The following ANTXR1 variants were observed in gnomAD, a reference collection of about 807,000 sequenced individuals.
ANTXR1 encodes the protein anthrax toxin receptor 1.
ANTXR1 carries 19 observed loss-of-function variants against 78.1 expected under a neutral mutation model. That is an observed-to-expected ratio of 0.24 (90% confidence interval 0.17 to 0.36). The LOEUF (loss-of-function observed/expected upper bound fraction) is 0.36. Ranked by LOEUF, ANTXR1 falls within the 10% of genes least tolerant of loss-of-function variation. The pLI is 1.00. For synonymous variants in ANTXR1, 273 were observed against 260.5 expected, an observed-to-expected ratio of 1.05 and a Z score of -0.46; for missense variants, 518 against 718.6, an observed-to-expected ratio of 0.72 and a Z score of 3.19.
intron 17 of ANTXR1, among the ~76,000 whole-genome samples, chr2:69,243,649 T>C (rs1035336417): frequency 6.6e-6 from 1 of 152,168 alleles, no homozygotes; most frequent in Non-Finnish European, 1.5e-5. Context: ...TAAGCAGCAA[T>C]TGTTCCCCAA....
At chr2:69,103,248 G>A in intron 10 of ANTXR1, 2 of 417,332 alleles carry the variant, frequency 4.8e-6, no homozygotes, top group Non-Finnish European at 9.1e-6. Flanking sequence ...GGAAGCAGCG[G>A]GGCACTGGTT....
intron 12 of ANTXR1, among the ~76,000 whole-genome samples, chr2:69,151,101 A>G (rs1295514736): frequency 6.6e-6 from 1 of 151,004 alleles, no homozygotes; most frequent in Non-Finnish European, 1.5e-5. Flanking sequence ...TCTGTAATGC[A>G]TTATTTAACT....
intron 13 of ANTXR1, among the ~76,000 whole-genome samples, chr2:69,166,063 C>T (rs759909702): frequency 6.6e-6 from 1 of 152,228 alleles, no homozygotes; most frequent in Non-Finnish European, 1.5e-5. Context: ...AATCTTTCTA[C>T]TCTATTCGTA....
chr2:69,141,779 T>C (rs2104415448), intron 12 of ANTXR1, among the ~76,000 whole-genome samples: 1 of 152,338 alleles, frequency 6.6e-6, no homozygotes, highest in Non-Finnish European at 1.5e-5. Flanking sequence ...TACTTTGCAA[T>C]GGGCTGGTGT....
chr2:69,207,961 G>C (rs1218101734), intron 17 of ANTXR1, among the ~76,000 whole-genome samples: 1 of 152,184 alleles, frequency 6.6e-6, no homozygotes, highest in African/African-American at 2.4e-5. Flanking sequence ...ATTGGTTTGT[G>C]AGTATGCAAA....
chr2:69,237,926 G>A (rs575205471), intron 17 of ANTXR1, among the ~76,000 whole-genome samples: 2 of 152,350 alleles, frequency 1.3e-5, no homozygotes, highest in South Asian at 4.1e-4. Flanking sequence ...GAAAGGGAAA[G>A]GCTGAAAGCA....
Position 69,245,636 on chromosome 2 carries a change from A to G in ANTXR1, c.*151A>G, listed in dbSNP as rs1676005898. The stretch of plus-strand genomic sequence containing the variant: ...CAATGCCAGTATACCAACAATCATG[A>G]TCAGCTGAAAGAAACAGATATTTTA... On this transcript the variant is annotated 3_prime_UTR_variant, in exon 18 of 18. Transcript: ENST00000303714. The G allele has an allele frequency of 9.5e-7, 1 of 1,057,138 alleles. No homozygotes were observed. Among genetic ancestry groups the G allele is most frequent in the Non-Finnish European group, 1.4e-6 (1 of 729,912 alleles). The allele number at this position is 1,057,138 out of a possible 1,614,324, so 65.5% of individuals were successfully genotyped here.
intron 3 of ANTXR1, among the ~76,000 whole-genome samples, chr2:69,056,212 C>G (rs1351818947): frequency 6.6e-6 from 1 of 152,180 alleles, no homozygotes; most frequent in Non-Finnish European, 1.5e-5. Flanking sequence ...AGCTAGCTAG[C>G]CAAAACCAAC....
chr2:69,029,097 C>T (rs6724095), intron 1 of ANTXR1, among the ~76,000 whole-genome samples: 36,419 of 150,410 alleles, frequency 0.24, 9,916 homozygotes, highest in African/African-American at 0.66. Context: ...GGCGTGGTGG[C>T]GCGTGCCTGC....
intron 14 of ANTXR1, among the ~76,000 whole-genome samples, chr2:69,172,072 C>T (rs532023002): frequency 7.2e-5 from 11 of 152,164 alleles, no homozygotes; most frequent in Non-Finnish European, 1.5e-4. Flanking sequence ...CTTGGTCAGA[C>T]GTGAGCTGGA....
At chr2:69,127,161 T>C (rs930146411) in intron 12 of ANTXR1, among the ~76,000 whole-genome samples, 65 of 152,184 alleles carry the variant, frequency 4.3e-4, no homozygotes, top group African/African-American at 1.5e-3. Context: ...CAAAAGGTAA[T>C]AGATGCTATA....
intron 4 of ANTXR1, among the ~76,000 whole-genome samples, chr2:69,071,205 C>G (rs1670554317): frequency 1.3e-5 from 2 of 152,204 alleles, no homozygotes; most frequent in African/African-American, 4.8e-5. Context: ...TATCACTTAA[C>G]AACAAGGATT....
intron 10 of ANTXR1, among the ~76,000 whole-genome samples, chr2:69,119,874 C>T (rs1369690537): frequency 6.6e-6 from 1 of 152,206 alleles, no homozygotes; most frequent in African/African-American, 2.4e-5. Context: ...GAATAATACA[C>T]CATCCTGATA....
intron 17 of ANTXR1, among the ~76,000 whole-genome samples, chr2:69,235,123 A>C (rs1675723390): frequency 6.8e-6 from 1 of 147,924 alleles, no homozygotes; most frequent in Non-Finnish European, 1.5e-5. Flanking sequence ...TCCTGGGTTC[A>C]AGCGATTCTC....
At chr2:69,092,354 G>A (rs986228590) in intron 9 of ANTXR1, among the ~76,000 whole-genome samples, 8 of 152,082 alleles carry the variant, frequency 5.3e-5, no homozygotes, top group Non-Finnish European at 7.4e-5. Flanking sequence ...CTAAAAAATC[G>A]GTGCCAGCAG....
At chr2:69,123,184 T>A (rs565623751) in intron 11 of ANTXR1, 98 bp downstream of exon 11, 1 of 1,254,044 alleles carries the variant, frequency 8.0e-7, no homozygotes, top group Non-Finnish European at 1.2e-6. Flanking sequence ...AAGTGGAGCC[T>A]TTCTCTAGGT....
At chr2:69,067,307 A>G (rs1423067546) in intron 3 of ANTXR1, among the ~76,000 whole-genome samples, 1 of 96,070 alleles carries the variant, frequency 1.0e-5, no homozygotes, top group East Asian at 4.0e-4. Context: ...GTTCTGGTAC[A>G]AAAAAAAAAA....
In ANTXR1 at chr2:69,202,363, A is replaced by G. The variant is rs138020296; in HGVS notation, c.1434+8948A>G. ...CTGAGAGCAATCATCTAATAAGATT[A>G]GCAGTAAGGAGGTTATGGTGCCCTT... On this transcript the variant is annotated intron_variant, in intron 17 of 17. Transcript: ENST00000303714. 1.1e-3 allele frequency among the ~76,000 whole-genome samples: 170 copies of G among 152,294 alleles called. 4 individuals carry two copies. The East Asian group carries it at 0.03, about 26-fold the overall frequency.
At position 69,144,317 on chromosome 2, in the gene ANTXR1, A is replaced by C. The variant is rs548209306; in HGVS notation, c.952-7852A>C. Among the ~76,000 whole-genome samples the C allele has an allele frequency of 2.0e-5, 3 of 152,306 alleles. No homozygotes were observed. The South Asian group carries it at 6.2e-4, about 32-fold the overall frequency. ...CCTTGGAGCAGAGTGAAGTGGACAT[A>C]GTTCCTTGATCTCTGCTGTTTCTCT... is the stretch of plus-strand genomic sequence containing the variant. On this transcript the variant is annotated intron_variant, in intron 12 of 17. Transcript: ENST00000303714.
Sources: gnomAD v4.1 joint callset for allele counts (sites outside exome capture counted in the v4.1 genomes callset) on GRCh38, gnomAD v4.1.1 for gene constraint, MANE v1.5 for transcripts, NCBI Gene and HGNC (gene_info 2026-07-23, HGNC 2026-07-21) for gene names.